The following GSG1L variants were observed in gnomAD, a reference collection of about 807,000 sequenced individuals.
The protein encoded by GSG1L is germ cell-specific gene 1-like protein.
Under a neutral mutation model 42.1 loss-of-function variants are expected in GSG1L, and 24 were observed. That is an observed-to-expected ratio of 0.57 (90% CI 0.41 to 0.80). The LOEUF (loss-of-function observed/expected upper bound fraction) is 0.80, where lower values mean the gene tolerates loss of function less well. Ranked by LOEUF, GSG1L falls within the 30% of genes least tolerant of loss-of-function variation. GSG1L has a pLI of 0.00. For missense variants in GSG1L, 445 were observed against 472.2 expected, an observed-to-expected ratio of 0.94 and a Z score of 0.53; for synonymous variants, 215 against 203.5, an observed-to-expected ratio of 1.06 and a Z score of -0.48.
intron 1 of GSG1L, among the ~76,000 whole-genome samples, chr16:27,966,501 A>G (rs1214464611): frequency 7.1e-6 from 1 of 140,562 alleles, no homozygotes; most frequent in African/African-American, 2.6e-5. Flanking sequence ...GGAAAAAGGA[A>G]ACAAACAAAC....
chr16:27,931,458 G>A (rs1008154885), intron 2 of GSG1L, among the ~76,000 whole-genome samples: 7 of 152,168 alleles, frequency 4.6e-5, no homozygotes, highest in African/African-American at 1.7e-4. Context: ...CAAACCAGAA[G>A]AGCCCTTGAA....
chr16:27,848,532 C>T (rs1202936416), intron 3 of GSG1L, among the ~76,000 whole-genome samples: 2 of 152,186 alleles, frequency 1.3e-5, no homozygotes, highest in African/African-American at 4.8e-5. Context: ...ATGCCAGACA[C>T]TATTCCAGGG....
chr16:27,824,071 C>T (rs1383486044), intron 5 of GSG1L, among the ~76,000 whole-genome samples: 1 of 152,238 alleles, frequency 6.6e-6, no homozygotes, highest in Admixed American at 6.5e-5. Context: ...CCATCTCCAT[C>T]CTAAGCTGGT....
At chr16:27,856,227 T>C (rs374362589) in intron 3 of GSG1L, among the ~76,000 whole-genome samples, 40 of 152,216 alleles carry the variant, frequency 2.6e-4, no homozygotes, top group Middle Eastern at 3.4e-3. Flanking sequence ...CCAAATATCC[T>C]TGTGGTGGGG....
intron 5 of GSG1L, among the ~76,000 whole-genome samples, chr16:27,827,178 C>T (rs2083219407): frequency 6.6e-6 from 1 of 152,216 alleles, no homozygotes; most frequent in Non-Finnish European, 1.5e-5. Context: ...TGGCACATAA[C>T]TTGTGCTCCA....
In GSG1L at chr16:27,789,083, G is replaced by A. The variant is rs2082722472; in HGVS notation, c.*2287C>T. On this transcript the variant is annotated 3_prime_UTR_variant, in exon 7 of 7. Coordinates refer to ENST00000447459, the MANE Select transcript of GSG1L (RefSeq NM_001109763.2). ...TGTGACACATGGAAGGAGGATGGATGGAAGTCTGATACAAGGAAGGATGAC... is the reference window on the plus strand; with the variant it reads ...TGTGACACATGGAAGGAGGATGGATAGAAGTCTGATACAAGGAAGGATGAC... The A allele has an allele frequency of 6.6e-6, 1 of 152,246 alleles. No individual in the cohort carries two copies. The highest frequency in any genetic ancestry group is 1.5e-5 in the Non-Finnish European group (1 of 68,056). 9.4% of individuals were successfully genotyped at this position (152,246 alleles called of 1,614,324 possible).
At chr16:27,814,984 C>T (rs1021733770) in intron 5 of GSG1L, among the ~76,000 whole-genome samples, 4 of 151,676 alleles carry the variant, frequency 2.6e-5, no homozygotes, top group African/African-American at 9.7e-5. Context: ...GGCTTGTGTG[C>T]AGTGGTACAA....
chr16:27,926,440 TG>T (rs1284770931), intron 2 of GSG1L, among the ~76,000 whole-genome samples: 2 of 151,878 alleles, frequency 1.3e-5, no homozygotes, highest in Non-Finnish European at 2.9e-5. Flanking sequence ...AGGCCGGTGC[TG>T]GTGGATCACC....
intron 2 of GSG1L, among the ~76,000 whole-genome samples, chr16:27,960,715 G>C (rs1481882332): frequency 6.6e-6 from 1 of 152,134 alleles, no homozygotes; most frequent in Non-Finnish European, 1.5e-5. Flanking sequence ...CCGTATACAT[G>C]GGGGGAGGCC....
chr16:27,821,394 A>G (rs1443928755), intron 5 of GSG1L, among the ~76,000 whole-genome samples: 1 of 152,094 alleles, frequency 6.6e-6, no homozygotes, highest in African/African-American at 2.4e-5. Flanking sequence ...CAAACCCTGA[A>G]CATAGTACCT....
chr16:27,880,510 A>G (rs2083939243), intron 3 of GSG1L, among the ~76,000 whole-genome samples: 1 of 152,232 alleles, frequency 6.6e-6, no homozygotes, highest in Admixed American at 6.5e-5. Flanking sequence ...TGCAATGACC[A>G]GCTGCATGAC....
chr16:27,850,539 A>G (rs954479117), intron 3 of GSG1L: 3 of 455,904 alleles, frequency 6.6e-6, no homozygotes, highest in Non-Finnish European at 1.3e-5. Flanking sequence ...AACATCTGAT[A>G]TTAAGCAGAG....
chr16:27,997,619 G>C (rs2085531967), intron 1 of GSG1L, among the ~76,000 whole-genome samples: 1 of 151,798 alleles, frequency 6.6e-6, no homozygotes, highest in African/African-American at 2.4e-5. Flanking sequence ...CACGGGTTGG[G>C]TTACAAAGTT....
intron 5 of GSG1L, among the ~76,000 whole-genome samples, chr16:27,826,640 C>T (rs541323071): frequency 6.6e-6 from 1 of 152,272 alleles, no homozygotes; most frequent in South Asian, 2.1e-4. Flanking sequence ...ACCTGGAGAC[C>T]AGTCCCATGG....
At chr16:27,955,343 C>A (rs1257619253) in intron 2 of GSG1L, among the ~76,000 whole-genome samples, 2 of 151,106 alleles carry the variant, frequency 1.3e-5, no homozygotes, top group African/African-American at 2.4e-5. Context: ...AGTAGACTGG[C>A]TGATTGAAAT....
In GSG1L at chr16:28,063,145, C is replaced by A. The variant is rs942740279; in HGVS notation, c.280G>T (p.Asp94Tyr). 1 of 1,426,608 alleles carries A rather than the reference C, an allele frequency of 7.0e-7. No homozygotes were observed. Among genetic ancestry groups the A allele is most frequent in the Admixed American group, 2.5e-5 (1 of 39,782 alleles). 88.4% of individuals were successfully genotyped at this position (1,426,608 alleles called of 1,614,324 possible). A position where few individuals can be genotyped will look rare whatever the true frequency, so the allele number is the denominator to read the frequency against. The change falls in exon 1 of 7, where the codon GAC (aspartate) becomes TAC (tyrosine). Residue 94 changes from aspartate to tyrosine, a missense_variant. Transcript: ENST00000447459. The surrounding 1 kb of genome is among the most constrained non-coding windows in gnomAD (Gnocchi z 5.8). Reference sequence around the variant, plus strand: ...TGGAAATTCCTGAAGAGGAAGCGGTCGTCGCCGGTCTCCCAGCTGTAGAGC... The same window carrying A: ...TGGAAATTCCTGAAGAGGAAGCGGTAGTCGCCGGTCTCCCAGCTGTAGAGC... ...GALYSWETGDDRFLFRNFHTG... is the reference protein window; with the variant it reads ...GALYSWETGDYRFLFRNFHTG...
At chr16:27,798,803 G>C (rs907007464) in intron 6 of GSG1L, among the ~76,000 whole-genome samples, 2 of 152,164 alleles carry the variant, frequency 1.3e-5, no homozygotes, top group African/African-American at 4.8e-5. Context: ...TTGGACAGAA[G>C]TGGGCATAAA....
chr16:27,953,192 T>A (rs2084968268), intron 2 of GSG1L, among the ~76,000 whole-genome samples: 1 of 152,176 alleles, frequency 6.6e-6, no homozygotes, highest in African/African-American at 2.4e-5. Flanking sequence ...TGGGCTCAAG[T>A]GATCCTCCTG....
At chr16:27,877,926 T>A (rs1312891949) in intron 3 of GSG1L, among the ~76,000 whole-genome samples, 2 of 152,218 alleles carry the variant, frequency 1.3e-5, no homozygotes, top group African/African-American at 4.8e-5. Context: ...TTCAACACGT[T>A]ACTAGCCATG....
Sources: allele counts gnomAD v4.1 joint callset (sites outside exome capture counted in the v4.1 genomes callset), GRCh38; gene constraint gnomAD v4.1.1; non-coding constraint Gnocchi (gnomAD v3.1); transcripts MANE v1.5; gene names NCBI Gene and HGNC (gene_info 2026-07-23, HGNC 2026-07-21).